The following CACNA1H variants were observed in gnomAD, a reference collection of about 807,000 sequenced individuals.
CACNA1H encodes the protein calcium voltage-gated channel subunit alpha1 H, also known as voltage-dependent T-type calcium channel subunit alpha-1H.
CACNA1H carries 149 observed loss-of-function variants against 192.5 expected under a neutral mutation model. The ratio of observed to expected loss-of-function variants is 0.77; its 90% CI spans 0.68 to 0.89. The LOEUF (loss-of-function observed/expected upper bound fraction) is 0.89, where lower values mean the gene tolerates loss of function less well. Among genes scored for constraint, CACNA1H ranks in the 40% least tolerant of loss-of-function variants. The pLI, the probability that CACNA1H is intolerant of heterozygous loss-of-function variation, is 0.00. For missense variants in CACNA1H, 4,257 were observed against 3,423.5 expected, an observed-to-expected ratio of 1.24 and a Z score of -6.08; for synonymous variants, 2,202 against 1,475.2, an observed-to-expected ratio of 1.49 and a Z score of -11.29.
intron 25 of CACNA1H, 138 bp from the exon 26 acceptor site, chr16:1,212,373 G>A (rs985510319): frequency 2.6e-5 from 27 of 1,044,496 alleles, no homozygotes; most frequent in Admixed American, 7.7e-5. Flanking sequence ...CGCCCAAGAG[G>A]CAGGTTCCCC....
intron 2 of CACNA1H, among the ~76,000 whole-genome samples, chr16:1,186,985 G>A (rs370308728): frequency 2.0e-5 from 3 of 152,164 alleles, no homozygotes; most frequent in African/African-American, 4.8e-5. Context: ...CAGGGTCTGC[G>A]GCTGGCCCGG....
intron 2 of CACNA1H, among the ~76,000 whole-genome samples, chr16:1,191,660 TTG>T (rs1966629454): frequency 1.1e-5 from 1 of 91,932 alleles, no homozygotes; most frequent in Admixed American, 1.0e-4. Context: ...ACTCAGGGTT[TTG>T]GTGACCCAGC....
chr16:1,220,593 C>T lies in CACNA1H; in HGVS notation c.6661C>T (p.Pro2221Ser). The T allele has an allele frequency of 3.2e-6, 5 of 1,553,942 alleles. No individual in the cohort carries two copies. Among genetic ancestry groups the T allele is most frequent in the Non-Finnish European group, 3.5e-6 (4 of 1,156,508 alleles). Reference protein sequence around the residue: ...GGSTTLRRRTPSCEATPHRDS... With the variant: ...GGSTTLRRRTSSCEATPHRDS... The stretch of plus-strand genomic sequence containing the variant: ...CAGCACCACACTGAGGCGCAGGACC[C>T]CGTCCTGTGAGGCCACGCCTCACAG... The change falls in exon 35 of 35, where the codon CCG becomes TCG. Residue 2221 changes from proline to serine, a missense_variant. Transcript: ENST00000348261.
chr16:1,191,915 G>A (rs1342994581), intron 2 of CACNA1H, among the ~76,000 whole-genome samples: 5 of 152,196 alleles, frequency 3.3e-5, no homozygotes, highest in Admixed American at 6.5e-5. Flanking sequence ...AGGCACACTC[G>A]GGGTCTCTGC....
intron 2 of CACNA1H, among the ~76,000 whole-genome samples, chr16:1,187,678 G>A (rs1471554491): frequency 1.3e-5 from 2 of 152,200 alleles, no homozygotes; most frequent in Admixed American, 6.5e-5. Context: ...GATCCCTGGA[G>A]GCCACAGCCC....
At chr16:1,163,564 C>T (rs775715531) in intron 2 of CACNA1H, among the ~76,000 whole-genome samples, 1 of 152,228 alleles carries the variant, frequency 6.6e-6, no homozygotes, top group Non-Finnish European at 1.5e-5. Context: ...CTCTCAGGGC[C>T]ACACACACGG....
chr16:1,207,654 C>G, intron 14 of CACNA1H, 116 bp from the exon 15 acceptor site: 1 of 1,006,190 alleles, frequency 9.9e-7, no homozygotes, highest in Admixed American at 2.1e-5. Flanking sequence ...GTGACATCAT[C>G]CTCTGGGCCC....
chr16:1,158,564 C>T (rs943688621), intron 2 of CACNA1H, among the ~76,000 whole-genome samples: 18 of 152,316 alleles, frequency 1.2e-4, no homozygotes, highest in African/African-American at 3.4e-4. Context: ...GTGGGCGTGA[C>T]GCCAGCAGGC....
Position 1,207,101 on chromosome 16 carries a change from A to C in CACNA1H, c.2890A>C (p.Ile964Leu). The change falls in exon 13 of 35, where the codon ATC becomes CTC. Residue 964 changes from isoleucine to leucine, a missense_variant. Ile to Leu is a conservative substitution (Grantham distance 5). Transcript: ENST00000348261. ...RKNFDSLLWA[I>L]VTVFQILTQE... Reference sequence around the variant, plus strand: ...GAACTTCGACTCCCTGCTGTGGGCCATCGTCACCGTGTTCCAGGTAGTGCC... The same window carrying C: ...GAACTTCGACTCCCTGCTGTGGGCCCTCGTCACCGTGTTCCAGGTAGTGCC... 1 of 1,595,002 alleles carries C rather than the reference A, an allele frequency of 6.3e-7. No homozygotes were observed. The highest frequency in any genetic ancestry group is 8.5e-7 in the Non-Finnish European group (1 of 1,170,584).
In CACNA1H at chr16:1,220,809, A is replaced by G. The variant is rs749590598; in HGVS notation, c.6877A>G (p.Arg2293Gly). ...DGSHSVTPESRASSSGAIVPL... is the reference protein window; with the variant it reads ...DGSHSVTPESGASSSGAIVPL... Reference sequence around the variant, plus strand: ...TAGCCACAGTGTGACCCCAGAATCCAGAGCTTCCTCTTCAGGGGCCATAGT... The same window carrying G: ...TAGCCACAGTGTGACCCCAGAATCCGGAGCTTCCTCTTCAGGGGCCATAGT... The change falls in exon 35 of 35, where the codon AGA (arginine) becomes GGA (glycine). Residue 2293 changes from arginine to glycine, a missense_variant. Coordinates refer to ENST00000348261, the MANE Select transcript of CACNA1H (RefSeq NM_021098.3). 1 of 1,612,798 alleles carries G rather than the reference A, an allele frequency of 6.2e-7. No homozygotes were observed. Among genetic ancestry groups the G allele is most frequent in the Non-Finnish European group, 8.5e-7 (1 of 1,179,796 alleles).
At chr16:1,198,415 G>A (rs1255250725) in intron 5 of CACNA1H, among the ~76,000 whole-genome samples, 200 bp from the exon 6 acceptor site, 1 of 152,170 alleles carries the variant, frequency 6.6e-6, no homozygotes, top group Non-Finnish European at 1.5e-5. Flanking sequence ...TGTCCCTGGA[G>A]GCCGGTGGTG....
At chr16:1,171,869 C>G (rs1056962459) in intron 2 of CACNA1H, among the ~76,000 whole-genome samples, 2 of 152,258 alleles carry the variant, frequency 1.3e-5, no homozygotes, top group African/African-American at 4.8e-5. Context: ...TTCTCGCCCA[C>G]AGACGAGAGG....
At chr16:1,168,014 C>T (rs554916760) in intron 2 of CACNA1H, among the ~76,000 whole-genome samples, 5 of 152,326 alleles carry the variant, frequency 3.3e-5, no homozygotes, top group East Asian at 1.9e-4. Context: ...TCTGTCTGCC[C>T]TAGGCCTTCG....
intron 2 of CACNA1H, among the ~76,000 whole-genome samples, chr16:1,181,153 C>T (rs542424831): frequency 6.6e-6 from 1 of 152,358 alleles, no homozygotes; most frequent in East Asian, 1.9e-4. Flanking sequence ...CCGTCTTCCC[C>T]AAGGTCCCCT....
rs750657572 is a variant in CACNA1H at position 1,210,782 on chromosome 16, C to T, written c.4039-5C>T. ...CCTGAGCTCAGTGCCATTGGCCCTC[C>T]GCAGGTGGTGGCCCTGGGGCTGCTG... On this transcript the variant is annotated splice_region_variant and splice_polypyrimidine_tract_variant and intron_variant, in intron 20 of 34. Transcript: ENST00000348261. The T allele has an allele frequency of 1.3e-5, 21 of 1,599,782 alleles. No homozygotes were observed. The highest frequency in any genetic ancestry group is 9.3e-5 in the African/African-American group (7 of 74,928).
chr16:1,209,089 C>G lies in CACNA1H; in HGVS notation c.3421C>G (p.Arg1141Gly). 6.5e-7 allele frequency: 1 copy of G among 1,544,510 alleles called. No individual in the cohort carries two copies. Among genetic ancestry groups the G allele is most frequent in the Non-Finnish European group, 8.7e-7 (1 of 1,147,620 alleles). The change falls in exon 17 of 35, where the codon CGG (arginine) becomes GGG (glycine). Residue 1141 changes from arginine (R) to glycine (G), a missense_variant. Physicochemically the swap from Arg to Gly is moderately radical, Grantham distance 125. Coordinates refer to ENST00000348261, the MANE Select transcript of CACNA1H (RefSeq NM_021098.3). ...PWGPSGAWSS[R>G]RSSWSSLGRA... ...GGGCCCCAGTGGCGCCTGGAGCAGC[C>G]GGCGCTCCAGCTGGAGCAGCCTGGG... is the stretch of plus-strand genomic sequence containing the variant.
intron 2 of CACNA1H, among the ~76,000 whole-genome samples, chr16:1,182,506 G>C (rs1965576438): frequency 6.6e-6 from 1 of 152,118 alleles, no homozygotes; most frequent in Admixed American, 6.5e-5. Context: ...GCGCCGGCTG[G>C]AGACAAACAC....
At position 1,167,074 on chromosome 16, in the gene CACNA1H, G is replaced by A; in HGVS notation, c.299+13038G>A. Among the ~76,000 whole-genome samples the A allele has an allele frequency of 6.6e-6, 1 of 152,224 alleles. No homozygotes were observed. Among genetic ancestry groups the A allele is most frequent in the Non-Finnish European group, 1.5e-5 (1 of 68,044 alleles). On this transcript the variant is annotated intron_variant, in intron 2 of 34. Transcript: ENST00000348261. This position sits in a 1 kb window ranked among gnomAD's most constrained non-coding sequence, Gnocchi z 4.2. ...TGGGTCCCTGAGTGGTGGTTCAGCAGCAGTGAGTGCTGACAACCACACCCA... is the reference window on the plus strand; with the variant it reads ...TGGGTCCCTGAGTGGTGGTTCAGCAACAGTGAGTGCTGACAACCACACCCA...
chr16:1,178,986 C>G (rs577849481), intron 2 of CACNA1H, among the ~76,000 whole-genome samples: 4 of 152,222 alleles, frequency 2.6e-5, no homozygotes, highest in Non-Finnish European at 5.9e-5. Flanking sequence ...CCATTTTCCT[C>G]GGGATAAACT....
Sources: gnomAD v4.1 joint callset for allele counts (sites outside exome capture counted in the v4.1 genomes callset) on GRCh38, gnomAD v4.1.1 for gene constraint, Gnocchi (gnomAD v3.1) non-coding constraint, MANE v1.5 for transcripts, NCBI Gene and HGNC (gene_info 2026-07-23, HGNC 2026-07-21) for gene names.